Variants in ANKRD11 observed in about 807,000 individuals in gnomAD.
The protein encoded by ANKRD11 is ankyrin repeat domain-containing protein 11.
A neutral mutation model predicts 195.7 loss-of-function variants in ANKRD11; 17 were observed. The observed-to-expected ratio is 0.09, with a 90% CI of 0.06 to 0.13. The LOEUF (loss-of-function observed/expected upper bound fraction) is 0.13, where lower values mean the gene tolerates loss of function less well. Ranked by LOEUF, ANKRD11 falls within the 10% of genes least tolerant of loss-of-function variation. The pLI is 1.00. For synonymous variants in ANKRD11, 1,953 were observed against 1,528.1 expected (o/e 1.28, Z -6.49); for missense variants, 3,735 against 3,566.1 (o/e 1.05, Z -1.21).
chr16:89,457,810 C>T (rs945245242), intron 1 of ANKRD11, among the ~76,000 whole-genome samples: 17 of 152,148 alleles, frequency 1.1e-4, no homozygotes, highest in Non-Finnish European at 1.6e-4. Flanking sequence ...AAAATGGCTG[C>T]TTTTATTATA....
rs1290458572 is a variant in ANKRD11 at position 89,398,308 on chromosome 16, AG to A, written c.-60+19975del. Among the ~76,000 whole-genome samples the A allele has an allele frequency of 1.4e-3, 206 of 146,762 alleles. 1 individual carries two copies. Among genetic ancestry groups the A allele is most frequent in the African/African-American group, 5.0e-3 (192 of 38,684 alleles). ...CTCAGCACTCTGGGAGGCTGACATGAGGGACACTGTGAAACAGCTGAAGACT... is the reference window on the plus strand; with the variant it reads ...CTCAGCACTCTGGGAGGCTGACATGAGGACACTGTGAAACAGCTGAAGACT... On this transcript the variant is annotated intron_variant, in intron 2 of 12. Coordinates refer to ENST00000301030, the MANE Select transcript of ANKRD11 (RefSeq NM_013275.6).
At chr16:89,354,809 C>T (rs1425399078) in intron 2 of ANKRD11, among the ~76,000 whole-genome samples, 1 of 152,112 alleles carries the variant, frequency 6.6e-6, no homozygotes, top group African/African-American at 2.4e-5. Flanking sequence ...ATCGCTTGAA[C>T]CCAGGAGGCG....
rs71134220 is a variant in ANKRD11, at chr16:89,415,829, CAAAA to C, written c.-60+2451_-60+2454del. On this transcript the variant is annotated intron_variant, in intron 2 of 12. Transcript: ENST00000301030. ...TGCACAACAAAGCTAGACTCTGTCT[CAAAA>C]AAAAAAAAAAAAAAAAACAATGGAG... Among the ~76,000 whole-genome samples the C allele has an allele frequency of 1.0e-3, 41 of 39,736 alleles. 1 individual carries two copies. The highest frequency in any genetic ancestry group is 7.2e-3 in the East Asian group (8 of 1,110). The allele number at this position is 39,736 out of a possible 152,430, so 26.1% of individuals were successfully genotyped here. A position where few individuals can be genotyped will look rare whatever the true frequency, so the allele number is the denominator to read the frequency against.
intron 2 of ANKRD11, among the ~76,000 whole-genome samples, chr16:89,384,538 C>CTGGGATGGGA (rs71134213): frequency 2.4e-4 from 35 of 148,224 alleles, no homozygotes; most frequent in African/African-American, 7.0e-4. Flanking sequence ...TGGGATGGGA[C>CTGGGATGGGA]TGGGATGGGA....
chr16:89,426,071 C>T (rs1266917365), intron 1 of ANKRD11, among the ~76,000 whole-genome samples: 1 of 152,170 alleles, frequency 6.6e-6, no homozygotes, highest in African/African-American at 2.4e-5. Context: ...CAAAAGCCAA[C>T]TATGGAAGGC....
At chr16:89,372,557 T>G (rs1308587600) in intron 2 of ANKRD11, among the ~76,000 whole-genome samples, 1 of 152,178 alleles carries the variant, frequency 6.6e-6, no homozygotes, top group Non-Finnish European at 1.5e-5. Flanking sequence ...AACAAGATGA[T>G]GTTGGAGATT....
At position 89,281,655 on chromosome 16, in the gene ANKRD11, G is replaced by A. The variant is rs780135094; in HGVS notation, c.4887C>T (p.Asp1629=). 34 of 1,613,994 alleles carry A rather than the reference G, an allele frequency of 2.1e-5. No individual in the cohort carries two copies. The Admixed American group carries it at 2.3e-4, about 11-fold the overall frequency. ...KLKEKAKPAD[D]GRKKGLDIPA... is the part of the protein sequence containing the mutation. ...GAATGTCCAGACCCTTCTTCCGCCC[G>A]TCGTCTGCCGGCTTCGCCTTCTCCT... The change falls in exon 9 of 13, where the codon GAC becomes GAT. Residue 1629 remains aspartate (D), a synonymous_variant. Coordinates refer to ENST00000301030, the MANE Select transcript of ANKRD11 (RefSeq NM_013275.6). The surrounding 1 kb of genome is among the most constrained non-coding windows in gnomAD (Gnocchi z 5.5).
intron 1 of ANKRD11, among the ~76,000 whole-genome samples, chr16:89,427,075 T>C (rs1407078581): frequency 6.6e-6 from 1 of 152,232 alleles, no homozygotes; most frequent in Non-Finnish European, 1.5e-5. Flanking sequence ...CAGAGCTGCA[T>C]GATACAAGAT....
At chr16:89,450,204 T>C (rs2965946) in intron 1 of ANKRD11, among the ~76,000 whole-genome samples, 102,385 of 151,996 alleles carry the variant, frequency 0.67, 34,886 homozygotes, top group Middle Eastern at 0.87. Flanking sequence ...TCAAGACCTG[T>C]GCATGGAGCT....
intron 2 of ANKRD11, among the ~76,000 whole-genome samples, chr16:89,399,899 C>T (rs11648663): frequency 0.52 from 79,573 of 151,996 alleles, 21,172 homozygotes; most frequent in Middle Eastern, 0.71. Flanking sequence ...GCTCCCAGAG[C>T]ACAGGAAGGT....
At chr16:89,347,215 T>C (rs2038982174) in intron 2 of ANKRD11, among the ~76,000 whole-genome samples, 1 of 152,194 alleles carries the variant, frequency 6.6e-6, no homozygotes, top group Non-Finnish European at 1.5e-5. Flanking sequence ...TGAGGGCTTC[T>C]TTCAATCTCT....
At chr16:89,387,021 G>A (rs906488936) in intron 2 of ANKRD11, among the ~76,000 whole-genome samples, 2 of 152,006 alleles carry the variant, frequency 1.3e-5, no homozygotes, top group South Asian at 2.1e-4. Context: ...GAGGCCGCCC[G>A]TGGTGACAGG....
At chr16:89,398,453 G>C (rs1005632695) in intron 2 of ANKRD11, among the ~76,000 whole-genome samples, 2 of 137,866 alleles carry the variant, frequency 1.5e-5, no homozygotes, top group Non-Finnish European at 3.2e-5. Flanking sequence ...AACAGCTGAA[G>C]ATTACCTGTA....
chr16:89,291,311 T>C lies in ANKRD11; in HGVS notation c.227-128A>G. The C allele has an allele frequency of 8.2e-7, 1 of 1,218,168 alleles. No homozygotes were observed. Among genetic ancestry groups the C allele is most frequent in the Non-Finnish European group, 1.2e-6 (1 of 858,308 alleles). 75.5% of individuals were successfully genotyped at this position (1,218,168 alleles called of 1,614,324 possible). A position where few individuals can be genotyped will look rare whatever the true frequency, so the allele number is the denominator to read the frequency against. ...ACAGCTGACAGAGCAGAAAGGAAGG[T>C]CTGTGTATGGGGAAAGCACAGCGGT... On this transcript the variant is annotated intron_variant, in intron 4 of 12. Coordinates refer to ENST00000301030, the MANE Select transcript of ANKRD11 (RefSeq NM_013275.6). This position sits in a 1 kb window ranked among gnomAD's most constrained non-coding sequence, Gnocchi z 5.3.
At chr16:89,313,256 G>A (rs977581534) in intron 3 of ANKRD11, 9 of 1,260,224 alleles carry the variant, frequency 7.1e-6, no homozygotes, top group Non-Finnish European at 9.3e-6. Context: ...TGTGCCATGG[G>A]GTGGGGACGA....
chr16:89,329,674 T>A (rs2037943492), intron 2 of ANKRD11, among the ~76,000 whole-genome samples: 1 of 152,206 alleles, frequency 6.6e-6, no homozygotes, highest in Non-Finnish European at 1.5e-5. Flanking sequence ...TCATAAACCT[T>A]GTTTTGTGTA....
chr16:89,331,245 C>T (rs1365138458), intron 2 of ANKRD11, among the ~76,000 whole-genome samples: 2 of 152,194 alleles, frequency 1.3e-5, no homozygotes, highest in African/African-American at 4.8e-5. Context: ...TGAGCCACTG[C>T]GCCCGGCCTG....
At chr16:89,277,245 C>A (rs1033267449) in intron 9 of ANKRD11, among the ~76,000 whole-genome samples, 1 of 152,150 alleles carries the variant, frequency 6.6e-6, no homozygotes. Context: ...CGAGCTCAAG[C>A]GAATGCACAG....
intron 1 of ANKRD11, among the ~76,000 whole-genome samples, chr16:89,462,936 G>GGGAGGT (rs1198460162): frequency 6.6e-6 from 1 of 151,682 alleles, no homozygotes; most frequent in African/African-American, 2.4e-5. Context: ...CCGTCCGGGA[G>GGGAGGT]GGAGGTGGAG....
Sources: allele counts gnomAD v4.1 joint callset (sites outside exome capture counted in the v4.1 genomes callset), GRCh38; gene constraint gnomAD v4.1.1; non-coding constraint Gnocchi (gnomAD v3.1); transcripts MANE v1.5; gene names NCBI Gene and HGNC (gene_info 2026-07-23, HGNC 2026-07-21).